STXBP6: variants seen among roughly 807,000 people sequenced by gnomAD.
STXBP6 encodes the protein syntaxin-binding protein 6.
STXBP6 carries 21 observed loss-of-function variants against 26.9 expected under a neutral mutation model. The ratio of observed to expected loss-of-function variants is 0.78; its 90% CI spans 0.55 to 1.12. The LOEUF is 1.12. Ranked by LOEUF, STXBP6 falls within the 50% of genes most tolerant of loss-of-function variation. The probability of loss-of-function intolerance (pLI) is 0.00; values close to 1 mark genes in which losing one functional copy is unlikely to be tolerated. For synonymous variants in STXBP6, 97 were observed against 92.6 expected (o/e 1.05, Z -0.27); for missense variants, 232 against 257.9 (o/e 0.90, Z 0.69).
intron 2 of STXBP6, among the ~76,000 whole-genome samples, chr14:24,951,792 T>C (rs1007722787): frequency 1.3e-5 from 2 of 152,116 alleles, no homozygotes; most frequent in Non-Finnish European, 2.9e-5. Context: ...AGTAAGTTCT[T>C]TGCTGTATTT....
intron 2 of STXBP6, among the ~76,000 whole-genome samples, chr14:24,970,250 A>C (rs1360900874): frequency 3.3e-5 from 5 of 152,192 alleles, no homozygotes; most frequent in Admixed American, 2.0e-4. Context: ...CAAAAAAAAA[A>C]AAAATCAATT....
chr14:24,943,582 T>C (rs546239306), intron 2 of STXBP6, among the ~76,000 whole-genome samples: 1 of 152,334 alleles, frequency 6.6e-6, no homozygotes, highest in South Asian at 2.1e-4. Flanking sequence ...GTTAAAAAGG[T>C]AAACTCAATG....
intron 1 of STXBP6, among the ~76,000 whole-genome samples, chr14:24,985,510 T>C (rs1389045546): frequency 4.6e-5 from 7 of 152,228 alleles, no homozygotes; most frequent in Admixed American, 4.6e-4. Context: ...ACCCCCACTC[T>C]GGCATTTCAA....
chr14:25,043,989 G>T (rs2140515413), intron 1 of STXBP6, among the ~76,000 whole-genome samples: 1 of 149,918 alleles, frequency 6.7e-6, no homozygotes, highest in East Asian at 2.0e-4. Flanking sequence ...GGGCAACATG[G>T]TAAAACTCTA....
rs1049986825 is a variant in STXBP6, at chr14:24,932,918, A to T, written c.154+41747T>A. ...TGTTTTGACCATGTTAAGTTTGGGA[A>T]GCCTAGTAGACATATGAATGGAAAT... On this transcript the variant is annotated intron_variant, in intron 2 of 5. Coordinates refer to ENST00000323944, the MANE Select transcript of STXBP6 (RefSeq NM_001394410.1). Among the ~76,000 whole-genome samples, 7 of 152,240 alleles carry T rather than the reference A, an allele frequency of 4.6e-5. 2 individuals carry two copies. Among genetic ancestry groups the T allele is most frequent in the Admixed American group, 3.9e-4 (6 of 15,288 alleles).
chr14:24,929,426 T>G (rs1194142303), intron 2 of STXBP6, among the ~76,000 whole-genome samples: 1 of 152,226 alleles, frequency 6.6e-6, no homozygotes, highest in Admixed American at 6.5e-5. Flanking sequence ...TGGCAATATA[T>G]AGTCCAAACC....
chr14:24,846,745 G>C (rs2068976634), intron 4 of STXBP6, among the ~76,000 whole-genome samples: 1 of 152,108 alleles, frequency 6.6e-6, no homozygotes, highest in Non-Finnish European at 1.5e-5. Flanking sequence ...GATAAGTAAG[G>C]AATGTTTGCT....
At chr14:24,914,382 C>A (rs1397995771) in intron 2 of STXBP6, among the ~76,000 whole-genome samples, 1 of 152,038 alleles carries the variant, frequency 6.6e-6, no homozygotes, top group African/African-American at 2.4e-5. Context: ...AAATGCTTGG[C>A]TTTTTATTTT....
chr14:24,970,834 A>C (rs2073886270), intron 2 of STXBP6, among the ~76,000 whole-genome samples: 1 of 152,226 alleles, frequency 6.6e-6, no homozygotes, highest in Admixed American at 6.5e-5. Flanking sequence ...GCAAAGTATG[A>C]GAGCTCAAAT....
At chr14:25,044,575 A>G (rs1046941229) in intron 1 of STXBP6, among the ~76,000 whole-genome samples, 1 of 152,176 alleles carries the variant, frequency 6.6e-6, no homozygotes, top group African/African-American at 2.4e-5. Context: ...AGTCCTCTCT[A>G]TAACTCATCT....
intron 4 of STXBP6, among the ~76,000 whole-genome samples, chr14:24,820,250 T>A (rs539257322): frequency 2.6e-5 from 4 of 152,212 alleles, no homozygotes; most frequent in African/African-American, 9.6e-5. Flanking sequence ...TAGCCACAGA[T>A]AGCTTTTAAT....
chr14:24,867,603 AC>A (rs1169921218), intron 2 of STXBP6, among the ~76,000 whole-genome samples: 1 of 152,210 alleles, frequency 6.6e-6, no homozygotes, highest in Non-Finnish European at 1.5e-5. Flanking sequence ...ATCCACATGT[AC>A]AAAGAGGAAT....
chr14:25,049,006 G>T lies in STXBP6; in HGVS notation c.-33+872C>A. On this transcript the variant is annotated intron_variant, in intron 1 of 5. Coordinates refer to ENST00000323944, the MANE Select transcript of STXBP6 (RefSeq NM_001394410.1). This position sits in a 1 kb window ranked among gnomAD's most constrained non-coding sequence, Gnocchi z 5.6. ...AGTCCCTAGGGAAGCGTAATAGGAAGGGGAGAAGGTTCGTTATGAAATCCT... is the reference window on the plus strand; with the variant it reads ...AGTCCCTAGGGAAGCGTAATAGGAATGGGAGAAGGTTCGTTATGAAATCCT... 1 of 255,932 alleles carries T rather than the reference G, an allele frequency of 3.9e-6. No individual in the cohort carries two copies. Among genetic ancestry groups the T allele is most frequent in the Non-Finnish European group, 6.1e-6 (1 of 162,912 alleles). 15.9% of individuals were successfully genotyped at this position (255,932 alleles called of 1,614,324 possible).
intron 2 of STXBP6, among the ~76,000 whole-genome samples, chr14:24,871,206 T>C (rs564017622): frequency 2.6e-5 from 4 of 152,308 alleles, no homozygotes; most frequent in Admixed American, 2.6e-4. Context: ...AACTTCACAC[T>C]GGAGAGGCAT....
intron 4 of STXBP6, among the ~76,000 whole-genome samples, chr14:24,845,246 T>G (rs854312): frequency 0.079 from 12,073 of 152,150 alleles, 601 homozygotes; most frequent in East Asian, 0.22. Context: ...TCTCCTGACC[T>G]CGTGATCTGC....
intron 2 of STXBP6, among the ~76,000 whole-genome samples, chr14:24,944,404 C>A (rs74611892): frequency 0.023 from 3,515 of 152,176 alleles, 73 homozygotes; most frequent in East Asian, 0.11. Flanking sequence ...CACATCATGG[C>A]GGAAAAGCCC....
intron 1 of STXBP6, among the ~76,000 whole-genome samples, chr14:25,028,506 A>G (rs78490841): frequency 0.082 from 12,493 of 152,094 alleles, 620 homozygotes; most frequent in Non-Finnish European, 0.12. Context: ...CTGACTGCTC[A>G]GAAAAAAAAA....
Position 24,929,816 on chromosome 14 carries a change from C to G in STXBP6, c.154+44849G>C, listed in dbSNP as rs144403567. Among the ~76,000 whole-genome samples, 12 of 152,340 alleles carry G rather than the reference C, an allele frequency of 7.9e-5. No homozygotes were observed. The East Asian group carries it at 2.3e-3, about 29-fold the overall frequency. On this transcript the variant is annotated intron_variant, in intron 2 of 5. Transcript: ENST00000323944. ...ACTACTGTCAAGAGAACGTGTTCCA[C>G]TAACTTCTTTTCCCTTCTTCCCCTC...
chr14:24,908,709 C>T (rs2071467539), intron 2 of STXBP6, among the ~76,000 whole-genome samples: 2 of 152,152 alleles, frequency 1.3e-5, no homozygotes, highest in Non-Finnish European at 2.9e-5. Context: ...GAAACTTGTC[C>T]CAATTTCCTC....
Sources: gnomAD v4.1 joint callset for allele counts (sites outside exome capture counted in the v4.1 genomes callset) on GRCh38, gnomAD v4.1.1 for gene constraint, Gnocchi (gnomAD v3.1) non-coding constraint, MANE v1.5 for transcripts, NCBI Gene and HGNC (gene_info 2026-07-23, HGNC 2026-07-21) for gene names.